The following ATAD3A variants were observed in gnomAD, a reference collection of about 807,000 sequenced individuals.
ATAD3A encodes ATPase family AAA domain containing 3A.
A neutral mutation model predicts 73.8 loss-of-function variants in ATAD3A; 46 were observed. That is an observed-to-expected ratio of 0.62 (90% confidence interval 0.49 to 0.80). The LOEUF (loss-of-function observed/expected upper bound fraction) is 0.80, where lower values mean the gene tolerates loss of function less well. Ranked by LOEUF, ATAD3A falls within the 30% of genes least tolerant of loss-of-function variation. ATAD3A has a pLI of 0.00. For missense variants in ATAD3A, 705 were observed against 838.0 expected, an observed-to-expected ratio of 0.84 and a Z score of 1.96; for synonymous variants, 319 against 350.0, an observed-to-expected ratio of 0.91 and a Z score of 0.99.
chr1:1,531,726 C>G (rs147426712), intron 15 of ATAD3A, among the ~76,000 whole-genome samples: 2,631 of 151,812 alleles, frequency 0.017, 72 homozygotes, highest in African/African-American at 0.06. Context: ...TGCAGTGAGC[C>G]GAGATCGCAC....
At chr1:1,524,832 C>T (rs1356897660) in intron 11 of ATAD3A, among the ~76,000 whole-genome samples, 10 of 150,646 alleles carry the variant, frequency 6.6e-5, no homozygotes, top group Non-Finnish European at 1.3e-4. Flanking sequence ...CAGGGCACAG[C>T]CCGGGCACCC....
intron 7 of ATAD3A, 66 bp from the exon 8 acceptor site, chr1:1,522,678 G>C: frequency 6.3e-7 from 1 of 1,597,512 alleles, no homozygotes; most frequent in Non-Finnish European, 8.5e-7. Context: ...GCAGCCCCGT[G>C]CGTCTCCTGC....
rs376358465 is a variant in ATAD3A, at chr1:1,533,980, C to T, written c.1669C>T (p.Arg557Cys). Residue 557 changes from arginine (R) to cysteine (C), a missense_variant, in exon 16 of 16, where the codon CGC (arginine) becomes TGC (cysteine). Physicochemically the swap from Arg to Cys is radical, Grantham distance 180. This residue lies in a region of ATAD3A where 252 missense variants were observed against 278.5 expected (regional missense o/e 0.90). Coordinates refer to ENST00000378756, the MANE Select transcript of ATAD3A (RefSeq NM_001170535.3). ...GVLTEAMMDT[R>C]VQDAVQQHQQ... ...CCTGACCGAGGCCATGATGGACACCCGCGTGCAAGATGCTGTCCAGCAGCA... is the reference window on the plus strand; with the variant it reads ...CCTGACCGAGGCCATGATGGACACCTGCGTGCAAGATGCTGTCCAGCAGCA... 1.4e-4 allele frequency: 224 copies of T among 1,613,404 alleles called. 1 individual carries two copies. The highest frequency in any genetic ancestry group is 3.4e-4 in the South Asian group (31 of 91,080).
intron 4 of ATAD3A, 82 bp from the exon 5 acceptor site, chr1:1,518,839 C>T (rs1641482656): frequency 1.2e-6 from 2 of 1,610,366 alleles, no homozygotes; most frequent in African/African-American, 2.7e-5. Flanking sequence ...CCCCTGCACA[C>T]TCGGGCACAG....
At chr1:1,516,182 G>T (rs1056827765) in intron 2 of ATAD3A, 94 bp downstream of exon 2, 2 of 1,573,100 alleles carry the variant, frequency 1.3e-6, no homozygotes, top group Non-Finnish European at 8.7e-7. Context: ...AGGGCCGGGG[G>T]TGTGTACATG....
chr1:1,529,734 A>G (rs1641973174), intron 15 of ATAD3A, among the ~76,000 whole-genome samples: 2 of 152,164 alleles, frequency 1.3e-5, no homozygotes, highest in Non-Finnish European at 2.9e-5. Flanking sequence ...TGTTTTCTGG[A>G]CCAAGTCTGT....
chr1:1,527,692 C>G lies in ATAD3A; in HGVS notation c.1338-3C>G, dbSNP rs761556797. The G allele has an allele frequency of 6.2e-7, 1 of 1,607,884 alleles. No homozygotes were observed. Among genetic ancestry groups the G allele is most frequent in the African/African-American group, 1.3e-5 (1 of 74,700 alleles). ...CATCCTCATCCTCATCCCCGCCCCGCAGGTTCATGCTGGTCCTGGCCAGCA... is the reference window on the plus strand; with the variant it reads ...CATCCTCATCCTCATCCCCGCCCCGGAGGTTCATGCTGGTCCTGGCCAGCA... On this transcript the variant is annotated splice_region_variant and splice_polypyrimidine_tract_variant and intron_variant, in intron 13 of 15. Transcript: ENST00000378756.
intron 12 of ATAD3A, among the ~76,000 whole-genome samples, chr1:1,526,258 T>A (rs1641839276): frequency 6.6e-6 from 1 of 152,056 alleles, no homozygotes; most frequent in South Asian, 2.1e-4. Flanking sequence ...TTACCTCGTG[T>A]GATCTGCCCG....
Position 1,520,127 on chromosome 1 carries a change from CCT to C in ATAD3A, c.515-9_515-8del. The C allele has an allele frequency of 5.0e-6, 8 of 1,607,490 alleles. No individual in the cohort carries two copies. Among genetic ancestry groups the C allele is most frequent in the Non-Finnish European group, 6.8e-6 (8 of 1,178,424 alleles). ...CACTGCATGGTGCTGAGCTGCCCTG[CCT>C]CTCTGGGGCAGCCACCGTGGAGCGG... On this transcript the variant is annotated splice_polypyrimidine_tract_variant and intron_variant, in intron 5 of 15. Coordinates refer to ENST00000378756, the MANE Select transcript of ATAD3A (RefSeq NM_001170535.3). The surrounding 1 kb of genome is among the most constrained non-coding windows in gnomAD (Gnocchi z 4.0).
chr1:1,527,293 G>A, intron 13 of ATAD3A: 1 of 1,204,694 alleles, frequency 8.3e-7, no homozygotes, highest in Admixed American at 2.8e-5. Context: ...CCTTCCCAGA[G>A]AGGCAAGGCT....
At chr1:1,518,567 AG>A (rs1161725189) in intron 4 of ATAD3A, among the ~76,000 whole-genome samples, 2 of 113,810 alleles carry the variant, frequency 1.8e-5, no homozygotes, top group Non-Finnish European at 3.4e-5. Context: ...TTCCCGTCAC[AG>A]GGACACACAC....
rs1434144202 is a variant in ATAD3A, at chr1:1,520,947, C to T, written c.750+330C>T. ...TAAGCCCAGGGAGGTTGCAGCTGCA[C>T]TGAGCTGAGATCGCAGCACTGCACT... On this transcript the variant is annotated intron_variant, in intron 7 of 15. Coordinates refer to ENST00000378756, the MANE Select transcript of ATAD3A (RefSeq NM_001170535.3). The surrounding 1 kb of genome is among the most constrained non-coding windows in gnomAD (Gnocchi z 4.0). Among the ~76,000 whole-genome samples, 2 of 151,996 alleles carry T rather than the reference C, an allele frequency of 1.3e-5. No individual in the cohort carries two copies. Among genetic ancestry groups the T allele is most frequent in the African/African-American group, 4.8e-5 (2 of 41,358 alleles).
intron 15 of ATAD3A, among the ~76,000 whole-genome samples, 173 bp from the exon 16 acceptor site, chr1:1,533,753 C>T (rs1642115562): frequency 6.6e-6 from 1 of 151,380 alleles, no homozygotes; most frequent in African/African-American, 2.5e-5. Context: ...GCAGGGGCTG[C>T]TCCCGGTGTC....
Position 1,523,996 on chromosome 1 carries a change from G to T in ATAD3A, c.1089+32G>T, listed in dbSNP as rs376826368. The T allele has an allele frequency of 3.1e-6, 5 of 1,613,212 alleles. No homozygotes were observed. The African/African-American group carries it at 6.7e-5, about 22-fold the overall frequency. ...GCGCCTGGCTGAACAGGTGGGCCAG[G>T]GGCCGCTGGGGTCTCACCTGCCTGC... On this transcript the variant is annotated intron_variant, in intron 10 of 15. Coordinates refer to ENST00000378756, the MANE Select transcript of ATAD3A (RefSeq NM_001170535.3). This position sits in a 1 kb window ranked among gnomAD's most constrained non-coding sequence, Gnocchi z 5.1.
chr1:1,517,031 A>G, intron 2 of ATAD3A: 1 of 1,438,132 alleles, frequency 7.0e-7, no homozygotes, highest in Non-Finnish European at 9.2e-7. Flanking sequence ...GGATTCCTAA[A>G]ATAAGCATGA....
At chr1:1,528,126 A>AT (rs1318555394) in intron 14 of ATAD3A, among the ~76,000 whole-genome samples, 7 of 151,162 alleles carry the variant, frequency 4.6e-5, no homozygotes, top group Admixed American at 1.3e-4. Context: ...TGCCTGGCTA[A>AT]TTTTTTTTTA....
chr1:1,519,848 C>T (rs1235632253), intron 5 of ATAD3A, among the ~76,000 whole-genome samples: 7 of 152,188 alleles, frequency 4.6e-5, no homozygotes, highest in African/African-American at 1.7e-4. Flanking sequence ...TGGGCAGGGC[C>T]GGCCTGTGGC....
At position 1,534,139 on chromosome 1, in the gene ATAD3A, C is replaced by G. The variant is rs1468516656; in HGVS notation, c.*67C>G. 6.2e-7 allele frequency: 1 copy of G among 1,607,404 alleles called. No homozygotes were observed. On this transcript the variant is annotated 3_prime_UTR_variant, in exon 16 of 16. Transcript: ENST00000378756. ...CCCCTCCCACCCCTGCCTTGCCGGCCCCTGCACATTTAGGATATGCTCCTG... is the reference window on the plus strand; with the variant it reads ...CCCCTCCCACCCCTGCCTTGCCGGCGCCTGCACATTTAGGATATGCTCCTG...
Position 1,525,210 on chromosome 1 carries a change from C to G in ATAD3A, c.1215-30C>G, listed in dbSNP as rs116637550. 6.6e-5 allele frequency: 106 copies of G among 1,613,204 alleles called. No homozygotes were observed. The African/African-American group carries it at 1.3e-3, about 20-fold the overall frequency. On this transcript the variant is annotated intron_variant, in intron 11 of 15. Coordinates refer to ENST00000378756, the MANE Select transcript of ATAD3A (RefSeq NM_001170535.3). ...TGTGGGCTGCTCCTGGTGTCACTCTCGCCCTGCTTGGCCTCCCTCTCGTTC... is the reference window on the plus strand; with the variant it reads ...TGTGGGCTGCTCCTGGTGTCACTCTGGCCCTGCTTGGCCTCCCTCTCGTTC...
Sources: allele counts gnomAD v4.1 joint callset (sites outside exome capture counted in the v4.1 genomes callset), GRCh38; gene constraint gnomAD v4.1.1; regional missense constraint gnomAD v4.1.1; non-coding constraint Gnocchi (gnomAD v3.1); transcripts MANE v1.5; gene names NCBI Gene and HGNC (gene_info 2026-07-23, HGNC 2026-07-21).